RHOBTB2: variants seen among roughly 807,000 people sequenced by gnomAD.
RHOBTB2 encodes rho-related BTB domain-containing protein 2.
In RHOBTB2, 39 loss-of-function variants were observed where a neutral mutation model predicts 66.5. That is an observed-to-expected ratio of 0.59 (90% CI 0.45 to 0.77). The LOEUF is 0.77. Ranked by LOEUF, RHOBTB2 falls within the 30% of genes least tolerant of loss-of-function variation. The pLI is 0.00. For missense variants in RHOBTB2, 755 were observed against 999.1 expected, an observed-to-expected ratio of 0.76 and a Z score of 3.29; for synonymous variants, 390 against 395.0, an observed-to-expected ratio of 0.99 and a Z score of 0.15.
chr8:22,990,415 G>A (rs890097445), intron 1 of RHOBTB2, among the ~76,000 whole-genome samples: 11 of 151,844 alleles, frequency 7.2e-5, no homozygotes, highest in Admixed American at 6.5e-4. Flanking sequence ...GGACATCTTG[G>A]CTGGACCTTG....
At chr8:22,981,961 C>T in the RHOBTB2 span, among the ~76,000 whole-genome samples, 56 of 152,212 alleles carry the variant, frequency 3.7e-4, 1 homozygote, top group Admixed American at 3.7e-3. Context: ...CCCCCCGATA[C>T]CAGGCGCCCC....
chr8:22,966,078 C>T, the RHOBTB2 span, among the ~76,000 whole-genome samples: 6 of 151,860 alleles, frequency 4.0e-5, no homozygotes, highest in East Asian at 1.9e-4. Context: ...CAGCTGGGTG[C>T]GGTGGCTCAT....
chr8:22,951,885 TA>T, the RHOBTB2 span, among the ~76,000 whole-genome samples: 1 of 152,166 alleles, frequency 6.6e-6, no homozygotes, highest in Non-Finnish European at 1.5e-5. Context: ...CAAGCCTGGC[TA>T]ATTTTTGTGT....
At chr8:22,994,727 T>C (rs906464983), upstream of RHOBTB2, 119 of 1,036,460 alleles carry the variant, frequency 1.1e-4, 1 homozygote, top group Middle Eastern at 1.6e-3. Context: ...AATTGTTTGT[T>C]GAAGCACTAG....
At chr8:22,956,860 G>T in the RHOBTB2 span, among the ~76,000 whole-genome samples, 75 of 152,210 alleles carry the variant, frequency 4.9e-4, no homozygotes, top group East Asian at 0.011. Flanking sequence ...GGGTATCTCC[G>T]TGTTGGTCAG....
rs2270408 is a variant in RHOBTB2, at chr8:23,005,135, C to G, written c.193-237C>G. Among the ~76,000 whole-genome samples, 55 of 152,226 alleles carry G rather than the reference C, an allele frequency of 3.6e-4. No homozygotes were observed. The East Asian group carries it at 0.011, about 29-fold the overall frequency. On this transcript the variant is annotated intron_variant, in intron 2 of 9. Transcript: ENST00000251822. ...GCTACCCTCTTAGTGTCTCTTCCAC[C>G]TGCTTAGGGTCTCTTCCACTCCTGG...
At chr8:22,952,555 T>C in the RHOBTB2 span, among the ~76,000 whole-genome samples, 1 of 152,132 alleles carries the variant, frequency 6.6e-6, no homozygotes, top group Non-Finnish European at 1.5e-5. Context: ...ACCTGAAGGA[T>C]ATAAGGCAGA....
At chr8:22,991,832 T>C (rs189685903) in intron 1 of RHOBTB2, among the ~76,000 whole-genome samples, 1 of 152,182 alleles carries the variant, frequency 6.6e-6, no homozygotes, top group Admixed American at 6.5e-5. Flanking sequence ...CCAACCTGGG[T>C]CAAAAGCAGC....
At chr8:22,964,899 C>A in the RHOBTB2 span, among the ~76,000 whole-genome samples, 42 of 151,972 alleles carry the variant, frequency 2.8e-4, no homozygotes, top group East Asian at 6.9e-3. Context: ...TCACTGCAAC[C>A]TCCACCTCCT....
In RHOBTB2 at chr8:23,006,144, AG is replaced by A; in HGVS notation, c.482+1del. ...CAACAGGGCTAGGCGACCCTTGGCT[AG>A]GTAGGAGGTGCTGGTACCAAGGAGA... ...AVNRARRPLA[R>X]PIKPNEILPP... On this transcript the variant is annotated frameshift_variant and splice_region_variant, in exon 4 of 10. Transcript: ENST00000251822. LOFTEE classifies it high-confidence loss of function. The surrounding 1 kb of genome is among the most constrained non-coding windows in gnomAD (Gnocchi z 6.1). 6.2e-7 allele frequency: 1 copy of A among 1,610,766 alleles called. No individual in the cohort carries two copies.
the RHOBTB2 span, among the ~76,000 whole-genome samples, chr8:22,962,179 C>CAAA: frequency 1.4e-4 from 2 of 13,834 alleles, no homozygotes; most frequent in African/African-American, 2.5e-4. Context: ...AACGAATTTA[C>CAAA]AAAAAAAAAA....
chr8:22,979,516 T>C, the RHOBTB2 span, among the ~76,000 whole-genome samples: 1 of 152,108 alleles, frequency 6.6e-6, no homozygotes, highest in Non-Finnish European at 1.5e-5. Flanking sequence ...TTCTATCTTA[T>C]GGATACGCCA....
the RHOBTB2 span, among the ~76,000 whole-genome samples, chr8:22,970,876 T>C: frequency 6.6e-6 from 1 of 152,206 alleles, no homozygotes; most frequent in African/African-American, 2.4e-5. Context: ...TTTACCTCCG[T>C]TTGTCCCCTC....
rs938816387 is a variant in RHOBTB2, at chr8:23,005,582, G to A, written c.296+107G>A. 9 of 801,330 alleles carry A rather than the reference G, an allele frequency of 1.1e-5. No individual in the cohort carries two copies. The African/African-American group carries it at 1.2e-4, about 11-fold the overall frequency. The allele number at this position is 801,330 out of a possible 1,614,324, so 49.6% of individuals were successfully genotyped here. ...GAAATTTCAGCTGGCAAGAAGAAGTGGAGAAAACAGCTCTGGCAGAGCCTC... is the reference window on the plus strand; with the variant it reads ...GAAATTTCAGCTGGCAAGAAGAAGTAGAGAAAACAGCTCTGGCAGAGCCTC... On this transcript the variant is annotated intron_variant, in intron 3 of 9. Coordinates refer to ENST00000251822, the MANE Select transcript of RHOBTB2 (RefSeq NM_015178.3).
intron 7 of RHOBTB2, among the ~76,000 whole-genome samples, chr8:23,014,313 C>T (rs758271290): frequency 6.6e-5 from 10 of 152,224 alleles, no homozygotes; most frequent in Non-Finnish European, 1.3e-4. Context: ...TTCTAACTCA[C>T]AGTTCTCAGC....
the RHOBTB2 span, among the ~76,000 whole-genome samples, chr8:22,952,930 C>A: frequency 6.6e-6 from 1 of 151,958 alleles, no homozygotes; most frequent in Non-Finnish European, 1.5e-5. Context: ...CAAGCGGGAA[C>A]AAAAGGAAGT....
chr8:22,971,967 TG>T, the RHOBTB2 span, among the ~76,000 whole-genome samples: 2 of 152,228 alleles, frequency 1.3e-5, no homozygotes, highest in Non-Finnish European at 2.9e-5. Context: ...TGTTTCCACT[TG>T]GATGTGTCTC....
Position 23,006,009 on chromosome 8 carries a change from C to T in RHOBTB2, c.346C>T (p.His116Tyr), listed in dbSNP as rs1365613553. ...CFSIANPNSL[H>Y]HVKTMWYPEI... is the part of the protein sequence containing the mutation. ...CTCCATTGCCAACCCCAATTCCCTC[C>T]ACCATGTCAAGACCATGTGGTACCC... Residue 116 changes from histidine to tyrosine, a missense_variant, in exon 4 of 10, where the codon CAC (histidine) becomes TAC (tyrosine). His to Tyr is a moderately conservative substitution (Grantham distance 83). Transcript: ENST00000251822. This position sits in a 1 kb window ranked among gnomAD's most constrained non-coding sequence, Gnocchi z 6.1. 5 of 1,614,014 alleles carry T rather than the reference C, an allele frequency of 3.1e-6. No individual in the cohort carries two copies. The highest frequency in any genetic ancestry group is 4.2e-6 in the Non-Finnish European group (5 of 1,180,016).
intron 7 of RHOBTB2, among the ~76,000 whole-genome samples, chr8:23,013,553 T>C (rs2128807380): frequency 6.6e-6 from 1 of 152,132 alleles, no homozygotes; most frequent in East Asian, 1.9e-4. Context: ...TGGAGTATAG[T>C]GATGTGATCT....
Sources: gnomAD v4.1 joint callset for allele counts (sites outside exome capture counted in the v4.1 genomes callset) on GRCh38, gnomAD v4.1.1 for gene constraint, Gnocchi (gnomAD v3.1) non-coding constraint, MANE v1.5 for transcripts, NCBI Gene and HGNC (gene_info 2026-07-23, HGNC 2026-07-21) for gene names.